The following RAB27B variants were observed in gnomAD, a reference collection of about 807,000 sequenced individuals.
RAB27B encodes ras-related protein Rab-27B.
A neutral mutation model predicts 24.6 loss-of-function variants in RAB27B; 15 were observed. The observed-to-expected ratio is 0.61, with a 90% CI of 0.41 to 0.94. The LOEUF is 0.94. RAB27B is among the 40% of genes least tolerant of loss of function. The probability of loss-of-function intolerance (pLI) is 0.00; values close to 1 mark genes in which losing one functional copy is unlikely to be tolerated. For synonymous variants in RAB27B, 105 were observed against 92.5 expected, an observed-to-expected ratio of 1.14 and a Z score of -0.78; for missense variants, 261 against 266.8, an observed-to-expected ratio of 0.98 and a Z score of 0.15.
chr18:54,792,432 A>T (rs891185131), intron 2 of RAB27B, among the ~76,000 whole-genome samples: 7 of 152,202 alleles, frequency 4.6e-5, no homozygotes, highest in African/African-American at 1.7e-4. Context: ...TTTGTGTGCC[A>T]CGCGCCTTAG....
At chr18:54,854,520 G>A (rs1233672066) in intron 1 of RAB27B, among the ~76,000 whole-genome samples, 1 of 152,146 alleles carries the variant, frequency 6.6e-6, no homozygotes, top group Non-Finnish European at 1.5e-5. Flanking sequence ...TGGGAGTAAT[G>A]AGATTAAACA....
At chr18:54,827,570 A>G (rs1234436802), upstream of RAB27B, among the ~76,000 whole-genome samples, 1 of 152,204 alleles carries the variant, frequency 6.6e-6, no homozygotes, top group Non-Finnish European at 1.5e-5. Context: ...CTGGGAGCTG[A>G]TAACAGCAGT....
rs1286138866 is a variant in RAB27B at position 54,832,306 on chromosome 18, G to A, written c.-20+3606G>A. Among the ~76,000 whole-genome samples, 3 of 152,192 alleles carry A rather than the reference G, an allele frequency of 2.0e-5. No homozygotes were observed. In the East Asian group the frequency reaches 5.8e-4, roughly 29 times the overall value. On this transcript the variant is annotated intron_variant, in intron 1 of 5. Coordinates refer to ENST00000262094, the MANE Select transcript of RAB27B (RefSeq NM_004163.4). The stretch of plus-strand genomic sequence containing the variant: ...TGGATAAAGGTGGAGGTGAAGAAAA[G>A]AAAGAACCAAATGATCAACAGGATT...
chr18:54,834,753 G>A (rs569764627), intron 1 of RAB27B, among the ~76,000 whole-genome samples: 2 of 149,694 alleles, frequency 1.3e-5, no homozygotes, highest in East Asian at 3.9e-4. Flanking sequence ...TATAATAGAG[G>A]GAAAATTTCA....
intron 2 of RAB27B, among the ~76,000 whole-genome samples, chr18:54,777,066 TAAATC>T (rs1425807131): frequency 6.6e-6 from 1 of 152,040 alleles, no homozygotes; most frequent in Non-Finnish European, 1.5e-5. Context: ...AAATAATAAA[TAAATC>T]TGACCACAAT....
intron 2 of RAB27B, among the ~76,000 whole-genome samples, chr18:54,806,985 C>T (rs1200096525): frequency 6.6e-6 from 1 of 152,152 alleles, no homozygotes; most frequent in Non-Finnish European, 1.5e-5. Flanking sequence ...TGGCTCACTG[C>T]AACCAGGAGA....
intron 1 of RAB27B, among the ~76,000 whole-genome samples, chr18:54,833,234 C>CTTTTTTTTTTTTTTTTTTTTTTTTT (rs559070445): frequency 4.6e-5 from 6 of 129,518 alleles, no homozygotes; most frequent in Non-Finnish European, 8.0e-5. Context: ...TTCTTTCTTT[C>CTTTTTTTTTTTTTTTTTTTTTTTTT]TTTTTTTTTT....
At chr18:54,850,707 C>T (rs1189021822) in intron 1 of RAB27B, among the ~76,000 whole-genome samples, 2 of 151,388 alleles carry the variant, frequency 1.3e-5, no homozygotes, top group African/African-American at 2.4e-5. Flanking sequence ...TTTCATAGCT[C>T]GGTGACTGAT....
chr18:54,870,237 A>G (rs1301785939), intron 1 of RAB27B, among the ~76,000 whole-genome samples: 1 of 152,206 alleles, frequency 6.6e-6, no homozygotes, highest in Non-Finnish European at 1.5e-5. Flanking sequence ...CACATTAAAA[A>G]TGATACATCA....
At chr18:54,774,457 AG>A (rs1274297537) in intron 2 of RAB27B, among the ~76,000 whole-genome samples, 4 of 152,224 alleles carry the variant, frequency 2.6e-5, no homozygotes, top group Non-Finnish European at 5.9e-5. Flanking sequence ...CATGGTTTTC[AG>A]GGTAGAACCA....
chr18:54,864,757 A>G (rs1251448091), intron 1 of RAB27B, among the ~76,000 whole-genome samples: 1 of 152,100 alleles, frequency 6.6e-6, no homozygotes, highest in Non-Finnish European at 1.5e-5. Context: ...CCATTGATCT[A>G]TTTGTCTATC....
intron 2 of RAB27B, among the ~76,000 whole-genome samples, chr18:54,811,953 C>A (rs567853895): frequency 2.6e-5 from 4 of 152,272 alleles, no homozygotes; most frequent in African/African-American, 9.6e-5. Flanking sequence ...TTTACAGTAC[C>A]TGGTATTTTT....
At chr18:54,823,091 A>G (rs1353353632) in intron 2 of RAB27B, among the ~76,000 whole-genome samples, 3 of 152,250 alleles carry the variant, frequency 2.0e-5, no homozygotes, top group Non-Finnish European at 4.4e-5. Context: ...TAATGAGCAG[A>G]TATCTAAAAT....
At chr18:54,879,732 T>A (rs1335632322) in intron 3 of RAB27B, 1 of 295,330 alleles carries the variant, frequency 3.4e-6, no homozygotes, top group Non-Finnish European at 6.4e-6. Context: ...AAAAAAAGGT[T>A]CTCCAGAATT....
chr18:54,877,853 C>G (rs573498615), intron 2 of RAB27B, 115 bp downstream of exon 2: 1 of 1,072,606 alleles, frequency 9.3e-7, no homozygotes, highest in Admixed American at 3.1e-5. Flanking sequence ...AATTCATAAC[C>G]TGTCATTTTA....
At chr18:54,860,907 C>T (rs946125300) in intron 1 of RAB27B, among the ~76,000 whole-genome samples, 17 of 152,122 alleles carry the variant, frequency 1.1e-4, no homozygotes, top group African/African-American at 1.7e-4. Flanking sequence ...GTAAAATATC[C>T]GCTAAAACAA....
chr18:54,877,509 T>C, intron 1 of RAB27B, 58 bp from the exon 2 acceptor site: 1 of 1,254,484 alleles, frequency 8.0e-7, no homozygotes, highest in East Asian at 2.8e-5. Context: ...TATTTTGATA[T>C]AAAGCAAAGG....
At chr18:54,864,496 AT>A (rs75004605) in intron 1 of RAB27B, among the ~76,000 whole-genome samples, 35,329 of 149,834 alleles carry the variant, frequency 0.24, 4,196 homozygotes, top group South Asian at 0.33. Context: ...AAAAGTTTTT[AT>A]TTTTTTTTCT....
chr18:54,809,624 T>A (rs188779416), intron 2 of RAB27B, among the ~76,000 whole-genome samples: 86 of 152,364 alleles, frequency 5.6e-4, no homozygotes, highest in African/African-American at 1.9e-3. Context: ...AGCTAATGCA[T>A]AAGTCAAAAC....
Sources: gnomAD v4.1 joint callset for allele counts (sites outside exome capture counted in the v4.1 genomes callset) on GRCh38, gnomAD v4.1.1 for gene constraint, MANE v1.5 for transcripts, NCBI Gene and HGNC (gene_info 2026-07-23, HGNC 2026-07-21) for gene names.